The following HCN1 variants were observed in gnomAD, a reference collection of about 807,000 sequenced individuals.
HCN1 encodes the protein potassium/sodium hyperpolarization-activated cyclic nucleotide-gated channel 1.
Under a neutral mutation model 78.9 loss-of-function variants are expected in HCN1, and 13 were observed. That is an observed-to-expected ratio of 0.16 (90% CI 0.11 to 0.26). HCN1 has a LOEUF of 0.26. Among genes scored for constraint, HCN1 ranks in the 10% least tolerant of loss-of-function variants. The pLI is 1.00. For missense variants in HCN1, 810 were observed against 1,154.3 expected (o/e 0.70, Z 4.32); for synonymous variants, 552 against 455.5 (o/e 1.21, Z -2.70).
At chr5:45,493,385 G>A (rs1741938267) in intron 2 of HCN1, among the ~76,000 whole-genome samples, 1 of 151,692 alleles carries the variant, frequency 6.6e-6, no homozygotes, top group Non-Finnish European at 1.5e-5. Context: ...ATTTTCTAAT[G>A]TCTCCAAGTC....
At chr5:45,511,870 T>A (rs1339931245) in intron 2 of HCN1, among the ~76,000 whole-genome samples, 3 of 152,038 alleles carry the variant, frequency 2.0e-5, no homozygotes, top group Non-Finnish European at 4.4e-5. Flanking sequence ...GAGTAAGATG[T>A]TAATAAATAG....
intron 5 of HCN1, among the ~76,000 whole-genome samples, chr5:45,312,757 C>A (rs1315952677): frequency 6.6e-6 from 1 of 152,200 alleles, no homozygotes; most frequent in African/African-American, 2.4e-5. Flanking sequence ...GCCCACAGAG[C>A]CTTGCTCATT....
chr5:45,570,166 T>C (rs1210452891), intron 2 of HCN1, among the ~76,000 whole-genome samples: 3 of 152,120 alleles, frequency 2.0e-5, no homozygotes, highest in African/African-American at 7.2e-5. Flanking sequence ...ATATTTAATT[T>C]AATCTGATAT....
chr5:45,272,841 A>G (rs1453000076), intron 6 of HCN1, among the ~76,000 whole-genome samples: 1 of 152,080 alleles, frequency 6.6e-6, no homozygotes, highest in Non-Finnish European at 1.5e-5. Flanking sequence ...TAAAGCAAAT[A>G]AAGTTAAATA....
At position 45,260,199 on chromosome 5, in the gene HCN1, G is replaced by C. The variant is rs113074291; in HGVS notation, c.*1722C>G. ...CCCACATAATGTGTGATCTCTGTAT[G>C]TTCTTAAATGTATTGCCAGTGCCAG... is the stretch of plus-strand genomic sequence containing the variant. On this transcript the variant is annotated 3_prime_UTR_variant, in exon 8 of 8. Coordinates refer to ENST00000303230, the MANE Select transcript of HCN1 (RefSeq NM_021072.4). The C allele has an allele frequency of 6.6e-6, 1 of 152,184 alleles. No individual in the cohort carries two copies. Among genetic ancestry groups the C allele is most frequent in the Non-Finnish European group, 1.5e-5 (1 of 68,044 alleles). The allele number at this position is 152,184 out of a possible 1,614,324, so 9.4% of individuals were successfully genotyped here.
At chr5:45,499,841 C>T (rs908770037) in intron 2 of HCN1, among the ~76,000 whole-genome samples, 3 of 152,082 alleles carry the variant, frequency 2.0e-5, no homozygotes, top group African/African-American at 7.2e-5. Context: ...TATTTTAATT[C>T]CAAATTTTGT....
chr5:45,639,154 T>C (rs542108572), intron 2 of HCN1, among the ~76,000 whole-genome samples: 2 of 152,170 alleles, frequency 1.3e-5, no homozygotes, highest in East Asian at 3.9e-4. Flanking sequence ...GCCAAGCAAA[T>C]AGATGATTCT....
chr5:45,657,906 G>T (rs1745807077), intron 1 of HCN1, among the ~76,000 whole-genome samples: 1 of 152,186 alleles, frequency 6.6e-6, no homozygotes, highest in Non-Finnish European at 1.5e-5. Context: ...AGTTCATATG[G>T]AACCAAAAAA....
At chr5:45,314,043 T>G (rs540460744) in intron 5 of HCN1, among the ~76,000 whole-genome samples, 3 of 151,934 alleles carry the variant, frequency 2.0e-5, no homozygotes, top group South Asian at 2.1e-4. Flanking sequence ...GAAGAGCAAC[T>G]CCAAGACAAA....
chr5:45,664,647 C>G (rs1745996790), intron 1 of HCN1, among the ~76,000 whole-genome samples: 1 of 151,884 alleles, frequency 6.6e-6, no homozygotes, highest in South Asian at 2.1e-4. Context: ...AGGACATGAA[C>G]AGACACTTCT....
At chr5:45,560,198 G>A (rs1037253358) in intron 2 of HCN1, among the ~76,000 whole-genome samples, 9 of 151,972 alleles carry the variant, frequency 5.9e-5, no homozygotes, top group Admixed American at 2.6e-4. Context: ...TTATTGCAGT[G>A]GTCTGGAACC....
intron 2 of HCN1, among the ~76,000 whole-genome samples, chr5:45,553,843 C>T (rs985862393): frequency 1.3e-5 from 2 of 151,688 alleles, no homozygotes; most frequent in Admixed American, 6.6e-5. Context: ...TTTTCATTCT[C>T]AGTTGTTGAA....
At chr5:45,632,732 A>C (rs941696672) in intron 2 of HCN1, among the ~76,000 whole-genome samples, 6 of 152,026 alleles carry the variant, frequency 3.9e-5, no homozygotes, top group Non-Finnish European at 7.4e-5. Context: ...TGGTGGAAAG[A>C]ATGCATTGGT....
chr5:45,331,692 C>A (rs751341035), intron 5 of HCN1, among the ~76,000 whole-genome samples: 1 of 151,306 alleles, frequency 6.6e-6, no homozygotes, highest in Non-Finnish European at 1.5e-5. Flanking sequence ...TGCTCATAAT[C>A]GCACTAAGTA....
chr5:45,546,489 C>T (rs1743231571), intron 2 of HCN1, among the ~76,000 whole-genome samples: 1 of 151,906 alleles, frequency 6.6e-6, no homozygotes, highest in South Asian at 2.1e-4. Flanking sequence ...TTTCCGGACA[C>T]AGCTCCTAAA....
At chr5:45,585,097 TCTC>T (rs1003932758) in intron 2 of HCN1, among the ~76,000 whole-genome samples, 2 of 152,170 alleles carry the variant, frequency 1.3e-5, no homozygotes, top group African/African-American at 4.8e-5. Context: ...TTGCGGAAGT[TCTC>T]CTGATAATAT....
At position 45,372,054 on chromosome 5, in the gene HCN1, AT is replaced by A. The variant is rs1287336354; in HGVS notation, c.1231-18809del. Among the ~76,000 whole-genome samples the A allele has an allele frequency of 9.5e-4, 52 of 54,680 alleles. 1 individual carries two copies. Among genetic ancestry groups the A allele is most frequent in the East Asian group, 1.6e-3 (2 of 1,278 alleles). 35.9% of individuals were successfully genotyped at this position (54,680 alleles called of 152,430 possible). A position where few individuals can be genotyped will look rare whatever the true frequency, so the allele number is the denominator to read the frequency against. ...TAATTATATATATATTATATATATAATATAATTATATTATATATTATATATA... is the reference window on the plus strand; with the variant it reads ...TAATTATATATATATTATATATATAAATAATTATATTATATATTATATATA... On this transcript the variant is annotated intron_variant, in intron 4 of 7. Coordinates refer to ENST00000303230, the MANE Select transcript of HCN1 (RefSeq NM_021072.4).
chr5:45,630,023 C>T (rs1745241851), intron 2 of HCN1, among the ~76,000 whole-genome samples: 2 of 152,094 alleles, frequency 1.3e-5, no homozygotes, highest in Non-Finnish European at 1.5e-5. Flanking sequence ...CTGAGGGAGT[C>T]CCCCAGGGTA....
chr5:45,613,834 C>T (rs1744890199), intron 2 of HCN1, among the ~76,000 whole-genome samples: 1 of 152,048 alleles, frequency 6.6e-6, no homozygotes, highest in African/African-American at 2.4e-5. Context: ...TATCAATAGT[C>T]ATCACCAAAT....
Sources: allele counts gnomAD v4.1 joint callset (sites outside exome capture counted in the v4.1 genomes callset), GRCh38; gene constraint gnomAD v4.1.1; transcripts MANE v1.5; gene names NCBI Gene and HGNC (gene_info 2026-07-23, HGNC 2026-07-21).